The following KAT6B variants were observed in gnomAD, a reference collection of about 807,000 sequenced individuals.
KAT6B encodes the protein lysine acetyltransferase 6B.
A neutral mutation model predicts 187.5 loss-of-function variants in KAT6B; 10 were observed. That is an observed-to-expected ratio of 0.05 (90% CI 0.03 to 0.09). The LOEUF is 0.09. Ranked by LOEUF, KAT6B falls within the 10% of genes least tolerant of loss-of-function variation. The pLI is 1.00. For synonymous variants in KAT6B, 861 were observed against 926.8 expected (o/e 0.93, Z 1.29); for missense variants, 1,952 against 2,558.9 (o/e 0.76, Z 5.12).
chr10:74,925,789 A>G (rs1312808767), intron 3 of KAT6B, among the ~76,000 whole-genome samples: 2 of 152,160 alleles, frequency 1.3e-5, no homozygotes, highest in African/African-American at 2.4e-5. Context: ...TAGACTGGGA[A>G]TTCTTTTATA....
chr10:74,907,522 C>A (rs1846860756), intron 3 of KAT6B, among the ~76,000 whole-genome samples: 2 of 151,614 alleles, frequency 1.3e-5, no homozygotes, highest in Non-Finnish European at 2.9e-5. Flanking sequence ...TTTTCTTTTT[C>A]TTTTTCTTTT....
intron 3 of KAT6B, among the ~76,000 whole-genome samples, chr10:74,885,068 A>T (rs10824243): frequency 0.25 from 38,347 of 151,070 alleles, 5,256 homozygotes; most frequent in South Asian, 0.35. Flanking sequence ...TTAATTAATT[A>T]ATTTATTTAT....
chr10:74,972,633 G>T lies in KAT6B; in HGVS notation c.1055G>T (p.Arg352Leu), dbSNP rs1397525828. 1.2e-6 allele frequency: 2 copies of T among 1,612,838 alleles called. No individual in the cohort carries two copies. The highest frequency in any genetic ancestry group is 2.2e-5 in the East Asian group (1 of 44,858). The change falls in exon 7 of 18, where the codon CGA (arginine) becomes CTA (leucine). Residue 352 changes from arginine (R) to leucine (L), a missense_variant. Coordinates refer to ENST00000287239, the MANE Select transcript of KAT6B (RefSeq NM_012330.4). ...CGACCGAAAAATAAATTAAAGCAACGATTGTTGTAGGTTGAGATCTTATCA... is the reference window on the plus strand; with the variant it reads ...CGACCGAAAAATAAATTAAAGCAACTATTGTTGTAGGTTGAGATCTTATCA... ...IGRPKNKLKQ[R>L]LLSVTSDEGS... is the part of the protein sequence containing the mutation.
At chr10:74,837,541 G>A (rs1841391649) in intron 1 of KAT6B, among the ~76,000 whole-genome samples, 1 of 151,964 alleles carries the variant, frequency 6.6e-6, no homozygotes, top group Non-Finnish European at 1.5e-5. Context: ...GAGAAATAGT[G>A]TGGATAATTC....
At chr10:74,988,972 A>G in intron 12 of KAT6B, 47 bp from the exon 13 acceptor site, 1 of 1,342,334 alleles carries the variant, frequency 7.4e-7, no homozygotes, top group Non-Finnish European at 1.1e-6. Context: ...GGAATTGCCC[A>G]CTTCAGCAGG....
upstream of KAT6B, among the ~76,000 whole-genome samples, chr10:74,826,415 G>A (rs1478093411): frequency 6.6e-6 from 1 of 152,152 alleles, no homozygotes; most frequent in African/African-American, 2.4e-5. Flanking sequence ...CGAGGGGTGT[G>A]TTTATGTGGA....
chr10:74,848,808 A>G (rs1006926979), intron 3 of KAT6B, among the ~76,000 whole-genome samples: 6 of 152,180 alleles, frequency 3.9e-5, no homozygotes, highest in Non-Finnish European at 8.8e-5. Flanking sequence ...ATTCATATGT[A>G]GATTGATTGT....
chr10:74,945,125 C>CT (rs1839855397), intron 3 of KAT6B, among the ~76,000 whole-genome samples: 1 of 152,172 alleles, frequency 6.6e-6, no homozygotes, highest in African/African-American at 2.4e-5. Flanking sequence ...ACTCAGATGT[C>CT]TGTCAACAGG....
intron 4 of KAT6B, among the ~76,000 whole-genome samples, chr10:74,968,370 T>C (rs931006673): frequency 6.6e-6 from 1 of 152,184 alleles, no homozygotes; most frequent in Non-Finnish European, 1.5e-5. Flanking sequence ...ACATCTTAAA[T>C]ACAGATGTTT....
chr10:74,990,368 T>C (rs1364888759), intron 13 of KAT6B, among the ~76,000 whole-genome samples: 2 of 152,140 alleles, frequency 1.3e-5, no homozygotes, highest in Non-Finnish European at 2.9e-5. Flanking sequence ...TAAATGCGCT[T>C]ACAGAAAACC....
chr10:74,826,136 G>A (rs1840193993), upstream of KAT6B, among the ~76,000 whole-genome samples: 1 of 151,720 alleles, frequency 6.6e-6, no homozygotes. Context: ...TAGGGGGTTT[G>A]GGGTTGAGTG....
intron 17 of KAT6B, among the ~76,000 whole-genome samples, chr10:75,026,510 A>G (rs887325749): frequency 6.6e-6 from 1 of 152,206 alleles, no homozygotes; most frequent in Non-Finnish European, 1.5e-5. Flanking sequence ...TTTTAAGAAC[A>G]TATGCAAGCA....
In KAT6B at chr10:74,843,277, A is replaced by G; in HGVS notation, c.420A>G (p.Thr140=). Residue 140 remains threonine (T), a synonymous_variant, in exon 3 of 18, where the codon ACA becomes ACG. Transcript: ENST00000287239. ...EKYLRSQSDL[T]STTNNPAFQQ... ...ATCTCAGAAGTCAAAGTGATCTCAC[A>G]AGCACCACCAACAACCCAGCCTTTC... 1 of 1,614,092 alleles carries G rather than the reference A, an allele frequency of 6.2e-7. No individual in the cohort carries two copies. Among genetic ancestry groups the G allele is most frequent in the Non-Finnish European group, 8.5e-7 (1 of 1,180,014 alleles).
intron 3 of KAT6B, among the ~76,000 whole-genome samples, chr10:74,864,016 G>A (rs1035616972): frequency 6.6e-6 from 1 of 152,128 alleles, no homozygotes; most frequent in Admixed American, 6.5e-5. Context: ...TGTATTCAGT[G>A]CTTATATTTT....
chr10:75,029,346 C>G lies in KAT6B; in HGVS notation c.4522C>G (p.Pro1508Ala), dbSNP rs771559131. The part of the protein sequence containing the change: ...AVPESDEEPP[P>A]GEQAQKQDQK... ...ACCCGAATCTGACGAGGAGCCACCC[C>G]CAGGAGAACAGGCACAGAAGCAGGA... Residue 1508 changes from proline to alanine, a missense_variant, in exon 18 of 18, where the codon CCA becomes GCA. This residue lies in a region of KAT6B where 758 missense variants were observed against 891.4 expected (regional missense o/e 0.85). Coordinates refer to ENST00000287239, the MANE Select transcript of KAT6B (RefSeq NM_012330.4). This position sits in a 1 kb window ranked among gnomAD's most constrained non-coding sequence, Gnocchi z 6.2. 2 of 1,614,048 alleles carry G rather than the reference C, an allele frequency of 1.2e-6. No homozygotes were observed. The highest frequency in any genetic ancestry group is 1.3e-5 in the African/African-American group (1 of 74,982).
chr10:74,972,751 A>C (rs1228019268), intron 7 of KAT6B, 112 bp downstream of exon 7: 7 of 1,008,872 alleles, frequency 6.9e-6, no homozygotes, highest in Non-Finnish European at 9.1e-6. Flanking sequence ...TTTCAAACTC[A>C]AGGGTTGAAA....
At chr10:74,938,168 A>G (rs1849398391) in intron 3 of KAT6B, among the ~76,000 whole-genome samples, 1 of 152,166 alleles carries the variant, frequency 6.6e-6, no homozygotes, top group East Asian at 1.9e-4. Flanking sequence ...TTACCATTCA[A>G]AAATGTGGAC....
In KAT6B at chr10:74,976,806, G is replaced by C. The variant is rs141553942; in HGVS notation, c.1993+476G>C. ...CTTCCGTCTCAGCAAAGCCTGATCT[G>C]TGACTCTGTGATGTGTGCTTTTGGA... On this transcript the variant is annotated intron_variant, in intron 8 of 17. Transcript: ENST00000287239. 6.0e-4 allele frequency: 170 copies of C among 281,140 alleles called. 1 individual carries two copies. Among genetic ancestry groups the C allele is most frequent in the African/African-American group, 3.5e-3 (156 of 44,876 alleles). 17.4% of individuals were successfully genotyped at this position (281,140 alleles called of 1,614,324 possible). A position where few individuals can be genotyped will look rare whatever the true frequency, so the allele number is the denominator to read the frequency against.
At chr10:74,866,844 C>A (rs1843589210) in intron 3 of KAT6B, among the ~76,000 whole-genome samples, 1 of 152,152 alleles carries the variant, frequency 6.6e-6, no homozygotes, top group Admixed American at 6.5e-5. Flanking sequence ...GAAAAGGGAA[C>A]AAGTTTCTCA....
Sources: gnomAD v4.1 joint callset for allele counts (sites outside exome capture counted in the v4.1 genomes callset) on GRCh38, gnomAD v4.1.1 for gene constraint, gnomAD v4.1.1 regional missense constraint, Gnocchi (gnomAD v3.1) non-coding constraint, MANE v1.5 for transcripts, NCBI Gene and HGNC (gene_info 2026-07-23, HGNC 2026-07-21) for gene names.